Variants in MYO9A observed in about 807,000 individuals in gnomAD.
MYO9A encodes the protein unconventional myosin-IXa.
Under a neutral mutation model 293.3 loss-of-function variants are expected in MYO9A, and 103 were observed. The observed-to-expected ratio is 0.35, with a 90% CI of 0.30 to 0.41. The LOEUF (loss-of-function observed/expected upper bound fraction) is 0.41. Ranked by LOEUF, MYO9A falls within the 10% of genes least tolerant of loss-of-function variation. The pLI is 1.00. For synonymous variants in MYO9A, 1,001 were observed against 1,035.7 expected, an observed-to-expected ratio of 0.97 and a Z score of 0.64; for missense variants, 2,685 against 3,033.0, an observed-to-expected ratio of 0.89 and a Z score of 2.69.
chr15:72,073,162 C>A (rs912263400), intron 1 of MYO9A, among the ~76,000 whole-genome samples: 1 of 152,130 alleles, frequency 6.6e-6, no homozygotes, highest in Non-Finnish European at 1.5e-5. Context: ...TGAAACTAAG[C>A]CATTACTTAC....
At chr15:72,028,222 T>TATATATAC (rs1419712587) in intron 3 of MYO9A, among the ~76,000 whole-genome samples, 1 of 141,750 alleles carries the variant, frequency 7.1e-6, no homozygotes, top group African/African-American at 2.6e-5. Flanking sequence ...TAAATAAATA[T>TATATATAC]ATATATATAT....
chr15:72,006,256 T>G (rs4777479), intron 8 of MYO9A, among the ~76,000 whole-genome samples: 138,876 of 150,262 alleles, frequency 0.92, 64,499 homozygotes, highest in Non-Finnish European at 0.97. Context: ...GTGTTTTTTT[T>G]TTGTTGTTGT....
intron 1 of MYO9A, among the ~76,000 whole-genome samples, chr15:72,080,996 GT>G (rs2079527740): frequency 6.6e-6 from 1 of 152,100 alleles, no homozygotes; most frequent in Non-Finnish European, 1.5e-5. Flanking sequence ...CCACGTCCTT[GT>G]TATCATAAAT....
Position 72,077,607 on chromosome 15 carries a change from A to G in MYO9A, c.-71-30973T>C, listed in dbSNP as rs569161820. Among the ~76,000 whole-genome samples the G allele has an allele frequency of 4.7e-3, 713 of 151,398 alleles. 7 individuals carry two copies. The highest frequency in any genetic ancestry group is 0.017 in the African/African-American group (687 of 41,242). On this transcript the variant is annotated intron_variant, in intron 1 of 41. Coordinates refer to ENST00000356056, the MANE Select transcript of MYO9A (RefSeq NM_006901.4). ...CTCAGGAGGCTGAGGCAAGAGAATC[A>G]CTTGAACCGGGGTGACGGCAGGGTG...
In MYO9A at chr15:71,867,798, T is replaced by TCACACACACACACACACACACACA. The variant is rs57300333; in HGVS notation, c.5980-5211_5980-5188dup. On this transcript the variant is annotated intron_variant, in intron 32 of 41. Coordinates refer to ENST00000356056, the MANE Select transcript of MYO9A (RefSeq NM_006901.4). ...CACTAATTTCAATTCTGGGAATCCA[T>TCACACACACACACACACACACACA]CACACACACACACACACACACACAC... Among the ~76,000 whole-genome samples the TCACACACACACACACACACACACA allele has an allele frequency of 1.7e-3, 211 of 127,610 alleles. 4 individuals are homozygous for TCACACACACACACACACACACACA. The highest frequency in any genetic ancestry group is 6.1e-3 in the African/African-American group (204 of 33,682). The allele number at this position is 127,610 out of a possible 152,430, so 83.7% of individuals were successfully genotyped here. A position where few individuals can be genotyped will look rare whatever the true frequency, so the allele number is the denominator to read the frequency against.
intron 1 of MYO9A, among the ~76,000 whole-genome samples, chr15:72,062,450 G>GATAAC (rs966131422): frequency 4.6e-5 from 7 of 152,152 alleles, no homozygotes; most frequent in African/African-American, 1.7e-4. Flanking sequence ...CAAAACTCAA[G>GATAAC]ATAACACAGA....
intron 39 of MYO9A, among the ~76,000 whole-genome samples, chr15:71,846,115 A>G (rs28594952): frequency 0.037 from 5,659 of 152,292 alleles, 241 homozygotes; most frequent in African/African-American, 0.1. Context: ...AACACCCAGG[A>G]TTTAGCCAGA....
chr15:72,082,996 C>A (rs34705283), intron 1 of MYO9A, among the ~76,000 whole-genome samples: 2,062 of 151,600 alleles, frequency 0.014, 22 homozygotes, highest in East Asian at 0.025. Flanking sequence ...TTTGTTGTGT[C>A]TCTGCTAGGT....
At chr15:71,980,514 C>A (rs1410423835) in intron 11 of MYO9A, among the ~76,000 whole-genome samples, 1 of 152,020 alleles carries the variant, frequency 6.6e-6, no homozygotes, top group Non-Finnish European at 1.5e-5. Flanking sequence ...TTTGGATTTC[C>A]CCTTGTATGA....
chr15:72,054,730 ATTAG>A (rs1342886363), intron 1 of MYO9A, among the ~76,000 whole-genome samples: 1 of 149,900 alleles, frequency 6.7e-6, no homozygotes, highest in Non-Finnish European at 1.5e-5. Context: ...TGAAATGTTT[ATTAG>A]TTAGGGGGCT....
chr15:72,107,124 G>C (rs2080597483), intron 1 of MYO9A, among the ~76,000 whole-genome samples: 1 of 152,130 alleles, frequency 6.6e-6, no homozygotes, highest in South Asian at 2.1e-4. Flanking sequence ...AGAAGAGAAG[G>C]AAGAAACCCA....
At chr15:71,912,088 T>C (rs990685017) in intron 19 of MYO9A, among the ~76,000 whole-genome samples, 3 of 152,168 alleles carry the variant, frequency 2.0e-5, no homozygotes, top group Non-Finnish European at 4.4e-5. Context: ...ACAGTCTACC[T>C]TCAAATAATA....
At chr15:71,879,616 T>C (rs2056811102) in intron 30 of MYO9A, 105 bp downstream of exon 30, 2 of 794,370 alleles carry the variant, frequency 2.5e-6, no homozygotes, top group African/African-American at 1.8e-5. Context: ...AACAAGGCAC[T>C]GGAGAAATCT....
chr15:72,097,869 C>T (rs1232872329), intron 1 of MYO9A, among the ~76,000 whole-genome samples: 1 of 152,054 alleles, frequency 6.6e-6, no homozygotes, highest in Non-Finnish European at 1.5e-5. Context: ...GAGATCACAC[C>T]ACTTCACTCC....
intron 1 of MYO9A, among the ~76,000 whole-genome samples, chr15:72,109,545 G>T (rs942399981): frequency 6.6e-6 from 1 of 152,026 alleles, no homozygotes; most frequent in African/African-American, 2.4e-5. Context: ...AAACAATAGG[G>T]GAGGGAAGAA....
At chr15:71,864,341 T>G (rs895202328) in intron 32 of MYO9A, among the ~76,000 whole-genome samples, 3 of 152,130 alleles carry the variant, frequency 2.0e-5, no homozygotes, top group Non-Finnish European at 2.9e-5. Context: ...CAAATGTTGG[T>G]AAGAATGTGG....
chr15:72,011,209 A>T (rs1019759963), intron 6 of MYO9A, among the ~76,000 whole-genome samples: 9 of 152,048 alleles, frequency 5.9e-5, no homozygotes, highest in Admixed American at 5.2e-4. Flanking sequence ...ACATGGTTTC[A>T]CCACATTGCC....
At chr15:71,983,955 T>C (rs954613488) in intron 11 of MYO9A, among the ~76,000 whole-genome samples, 1 of 152,220 alleles carries the variant, frequency 6.6e-6, no homozygotes, top group African/African-American at 2.4e-5. Flanking sequence ...AAGGAAAATA[T>C]GCCATTGTCT....
intron 1 of MYO9A, among the ~76,000 whole-genome samples, chr15:72,086,559 T>C (rs1596541085): frequency 6.6e-6 from 1 of 151,360 alleles, no homozygotes; most frequent in Non-Finnish European, 1.5e-5. Context: ...TGGCACAGGG[T>C]AATGTGCACG....
Sources: gnomAD v4.1 joint callset for allele counts (sites outside exome capture counted in the v4.1 genomes callset) on GRCh38, gnomAD v4.1.1 for gene constraint, MANE v1.5 for transcripts, NCBI Gene and HGNC (gene_info 2026-07-23, HGNC 2026-07-21) for gene names.